TUBA1C: variants seen among roughly 807,000 people sequenced by gnomAD.
The protein encoded by TUBA1C is tubulin alpha-1C chain.
TUBA1C carries 16 observed loss-of-function variants against 34.9 expected under a neutral mutation model. That is an observed-to-expected ratio of 0.46 (90% CI 0.31 to 0.70). The LOEUF (loss-of-function observed/expected upper bound fraction) is 0.70, where lower values mean the gene tolerates loss of function less well. TUBA1C is among the 30% of genes least tolerant of loss of function. The pLI, the probability that TUBA1C is intolerant of heterozygous loss-of-function variation, is 0.05. For synonymous variants in TUBA1C, 177 were observed against 215.9 expected (o/e 0.82, Z 1.58); for missense variants, 329 against 587.3 (o/e 0.56, Z 4.55).
intron 1 of TUBA1C, among the ~76,000 whole-genome samples, chr12:49,235,755 T>C (rs1271951369): frequency 1.3e-5 from 2 of 150,534 alleles, no homozygotes; most frequent in Non-Finnish European, 2.9e-5. Context: ...AAAAAAATCT[T>C]ACATAGTTTT....
chr12:49,238,427 T>A (rs1490871215), intron 1 of TUBA1C, among the ~76,000 whole-genome samples: 1 of 152,108 alleles, frequency 6.6e-6, no homozygotes, highest in African/African-American at 2.4e-5. Context: ...TGTTCTCTAA[T>A]TCAATTCTCA....
At chr12:49,250,232 G>T (rs1209395652) in intron 1 of TUBA1C, among the ~76,000 whole-genome samples, 1 of 150,644 alleles carries the variant, frequency 6.6e-6, no homozygotes. Context: ...TTTTAAAAAA[G>T]AGAAGACACT....
chr12:49,258,179 C>T (rs1296005106), intron 1 of TUBA1C, among the ~76,000 whole-genome samples: 1 of 151,756 alleles, frequency 6.6e-6, no homozygotes, highest in East Asian at 2.0e-4. Context: ...TTTAAAGCTA[C>T]AGTAAGCTAA....
rs1943027620 is a variant in TUBA1C at position 49,273,826 on chromosome 12, T to C, written c.*599T>C. 1 of 157,550 alleles carries C rather than the reference T, an allele frequency of 6.3e-6. No individual in the cohort carries two copies. Among genetic ancestry groups the C allele is most frequent in the Admixed American group, 6.0e-5 (1 of 16,546 alleles). 9.8% of individuals were successfully genotyped at this position (157,550 alleles called of 1,614,324 possible). On this transcript the variant is annotated 3_prime_UTR_variant, in exon 4 of 4. Coordinates refer to ENST00000301072, the MANE Select transcript of TUBA1C (RefSeq NM_032704.5). ...TAGATATTAAAATGCAGGTTTGGGG[T>C]CAACCTGGTGGCTCATGCACTTCGG...
intron 1 of TUBA1C, among the ~76,000 whole-genome samples, chr12:49,252,926 A>G (rs1330256699): frequency 1.3e-5 from 2 of 151,538 alleles, no homozygotes; most frequent in East Asian, 1.9e-4. Context: ...AAACAGAAAC[A>G]AAAACAAAAA....
chr12:49,270,098 G>C, intron 3 of TUBA1C, 122 bp downstream of exon 3: 1 of 1,574,808 alleles, frequency 6.3e-7, no homozygotes, highest in African/African-American at 1.3e-5. Flanking sequence ...AAATGTATCT[G>C]TTCACTAAAT....
intron 1 of TUBA1C, among the ~76,000 whole-genome samples, chr12:49,240,996 G>T (rs1005677697): frequency 6.6e-6 from 1 of 152,056 alleles, no homozygotes; most frequent in Admixed American, 6.6e-5. Flanking sequence ...CTGCCTCCTG[G>T]GTTCAAGCGA....
At chr12:49,268,823 G>A (rs974083094) in intron 1 of TUBA1C, among the ~76,000 whole-genome samples, 5 of 152,116 alleles carry the variant, frequency 3.3e-5, no homozygotes, top group East Asian at 3.8e-4. Flanking sequence ...GGATTAAAGC[G>A]GGACCAGAAT....
intron 1 of TUBA1C, among the ~76,000 whole-genome samples, chr12:49,268,744 T>A (rs955954945): frequency 6.6e-6 from 1 of 152,220 alleles, no homozygotes; most frequent in Non-Finnish European, 1.5e-5. Context: ...TCATGAGTCA[T>A]GGCTATAGTT....
rs375740330 is a variant in TUBA1C, at chr12:49,238,104, C to T, written c.213+9938C>T. 4.7e-5 allele frequency among the ~76,000 whole-genome samples: 7 copies of T among 147,462 alleles called. No homozygotes were observed. In the South Asian group the frequency reaches 8.5e-4, roughly 18 times the overall value. On this transcript the variant is annotated intron_variant, in intron 1 of 3. Coordinates refer to the TUBA1C transcript ENST00000541364. ...AGCCTGGGTGACAAGAGCGAGATTC[C>T]GCCTCAAAAAAAAAAAAAAAGTTCA... is the stretch of plus-strand genomic sequence containing the variant.
intron 1 of TUBA1C, among the ~76,000 whole-genome samples, chr12:49,245,572 C>G (rs1283345226): frequency 1.3e-5 from 2 of 152,178 alleles, no homozygotes; most frequent in Non-Finnish European, 1.5e-5. Context: ...TCACTGCACC[C>G]CAACCTGGAT....
chr12:49,257,037 C>A (rs1227842092), intron 1 of TUBA1C, among the ~76,000 whole-genome samples: 1 of 151,112 alleles, frequency 6.6e-6, no homozygotes, highest in Non-Finnish European at 1.5e-5. Context: ...AAAATTAGCT[C>A]GGCATGGTGG....
intron 1 of TUBA1C, among the ~76,000 whole-genome samples, chr12:49,254,956 TA>T (rs1206921588): frequency 1.7e-4 from 26 of 152,100 alleles, no homozygotes; most frequent in African/African-American, 6.0e-4. Flanking sequence ...ATTTTTTTTT[TA>T]TTTTTTAAGT....
At chr12:49,270,927 C>T (rs796527015) in intron 3 of TUBA1C, among the ~76,000 whole-genome samples, 9 of 151,924 alleles carry the variant, frequency 5.9e-5, no homozygotes, top group Non-Finnish European at 8.8e-5. Flanking sequence ...TGCAGTGAGC[C>T]GAGATCGTGC....
At chr12:49,231,713 C>T (rs138256667) in intron 1 of TUBA1C, among the ~76,000 whole-genome samples, 1 of 148,504 alleles carries the variant, frequency 6.7e-6, no homozygotes, top group African/African-American at 2.6e-5. Context: ...GACAGACAGA[C>T]AGACAGATAG....
Position 49,273,207 on chromosome 12 carries a change from G to A in TUBA1C, c.1330G>A (p.Asp444Asn). 1.2e-6 allele frequency: 2 copies of A among 1,614,216 alleles called. No homozygotes were observed. The highest frequency in any genetic ancestry group is 2.7e-5 in the African/African-American group (2 of 75,056). The stretch of plus-strand genomic sequence containing the variant: ...TGGAGCAGATAGTGCTGACGGAGAG[G>A]ATGAGGGTGAAGAGTATTAACCTGT... ...EVGADSADGE[D>N]EGEEY Residue 444 changes from aspartate to asparagine, a missense_variant, in exon 4 of 4, where the codon GAT becomes AAT. Physicochemically the swap from Asp to Asn is conservative, Grantham distance 23. Coordinates refer to ENST00000301072, the MANE Select transcript of TUBA1C (RefSeq NM_032704.5).
Position 49,273,179 on chromosome 12 carries a change from G to A in TUBA1C, c.1302G>A (p.Glu434=), listed in dbSNP as rs1460212653. The change falls in exon 4 of 4, where the codon GAG becomes GAA. Residue 434 remains glutamate, a synonymous_variant. Coordinates refer to ENST00000301072, the MANE Select transcript of TUBA1C (RefSeq NM_032704.5). ...DMAALEKDYE[E]VGADSADGED... ...CTGCCCTTGAGAAGGATTATGAGGA[G>A]GTTGGAGCAGATAGTGCTGACGGAG... 3 of 1,614,078 alleles carry A rather than the reference G, an allele frequency of 1.9e-6. No homozygotes were observed. The highest frequency in any genetic ancestry group is 2.7e-5 in the African/African-American group (2 of 74,924).
chr12:49,235,915 C>T (rs1046579229), intron 1 of TUBA1C, among the ~76,000 whole-genome samples: 12 of 152,162 alleles, frequency 7.9e-5, no homozygotes, highest in Admixed American at 5.2e-4. Context: ...CACCGGCCCA[C>T]GGGCACAGGG....
chr12:49,245,036 A>C (rs1008545971), intron 1 of TUBA1C, among the ~76,000 whole-genome samples: 2 of 152,216 alleles, frequency 1.3e-5, no homozygotes, highest in Non-Finnish European at 2.9e-5. Flanking sequence ...AATTCAGCCC[A>C]GGCCTGTCTT....
Sources: allele counts gnomAD v4.1 joint callset (sites outside exome capture counted in the v4.1 genomes callset), GRCh38; gene constraint gnomAD v4.1.1; transcripts MANE v1.5; gene names NCBI Gene and HGNC (gene_info 2026-07-23, HGNC 2026-07-21).